The following KRIT1 variants were observed in gnomAD, a reference collection of about 807,000 sequenced individuals.
The protein encoded by KRIT1 is KRIT1 ankyrin repeat containing.
A neutral mutation model predicts 95.8 loss-of-function variants in KRIT1; 45 were observed. That is an observed-to-expected ratio of 0.47 (90% confidence interval 0.37 to 0.60). The LOEUF is 0.60. KRIT1 is among the 20% of genes least tolerant of loss of function. The pLI is 0.00. For synonymous variants in KRIT1, 282 were observed against 278.8 expected (o/e 1.01, Z -0.11); for missense variants, 788 against 877.5 (o/e 0.90, Z 1.29).
chr7:92,233,391 G>A (rs1292736847), intron 10 of KRIT1, among the ~76,000 whole-genome samples: 1 of 150,594 alleles, frequency 6.6e-6, no homozygotes, highest in Non-Finnish European at 1.5e-5. Context: ...ATTTAACAAG[G>A]CAATAAATAA....
In KRIT1 at chr7:92,237,708, C is replaced by T. The variant is rs376022532; in HGVS notation, c.314G>A (p.Gly105Asp). The T allele has an allele frequency of 8.1e-6, 13 of 1,608,478 alleles. No homozygotes were observed. In the Admixed American group the frequency reaches 1.2e-4, roughly 14 times the overall value. ...KKFPLDGEKMGREASLFIVPS... is the reference protein window; with the variant it reads ...KKFPLDGEKMDREASLFIVPS... ...AACAATAAATAATGATGCTTCTCTG[C>T]CCATCTTCTCTCCATCCAGAGGAAA... The change falls in exon 6 of 19, where the codon GGC becomes GAC. Residue 105 changes from glycine to aspartate, a missense_variant. Gly to Asp is a moderately conservative substitution (Grantham distance 94, BLOSUM62 -1). Transcript: ENST00000394505.
In KRIT1 at chr7:92,244,090, G is replaced by A. The variant is rs1272850838; in HGVS notation, c.-91C>T. The A allele has an allele frequency of 6.6e-6, 1 of 152,118 alleles. No individual in the cohort carries two copies. The highest frequency in any genetic ancestry group is 1.5e-5 in the Non-Finnish European group (1 of 68,014). The allele number at this position is 152,118 out of a possible 1,614,324, so 9.4% of individuals were successfully genotyped here. A position where few individuals can be genotyped will look rare whatever the true frequency, so the allele number is the denominator to read the frequency against. ...TATTTAGCAATTACTTTTCACCACA[G>A]ATTAACAATGACTTCAAGATAATAA... On this transcript the variant is annotated 5_prime_UTR_variant, in exon 3 of 19. Transcript: ENST00000394505.
intron 10 of KRIT1, among the ~76,000 whole-genome samples, chr7:92,232,752 G>A (rs1367947732): frequency 6.6e-6 from 1 of 151,916 alleles, no homozygotes; most frequent in Non-Finnish European, 1.5e-5. Flanking sequence ...GGAGTGCAGT[G>A]GCGTGATCTC....
chr7:92,219,389 A>C (rs1794671850), intron 14 of KRIT1, among the ~76,000 whole-genome samples: 1 of 152,206 alleles, frequency 6.6e-6, no homozygotes, highest in Non-Finnish European at 1.5e-5. Context: ...CCATCTGTTG[A>C]AGAGACTATT....
upstream of KRIT1, chr7:92,246,005 T>C (rs143215997): frequency 8.7e-3 from 2,098 of 242,372 alleles, 9 homozygotes; most frequent in Non-Finnish European, 0.012. Flanking sequence ...CCGTTCCTGC[T>C]CCTTTTCACT....
chr7:92,218,786 G>A (rs1027673599), intron 14 of KRIT1, among the ~76,000 whole-genome samples: 1 of 152,024 alleles, frequency 6.6e-6, no homozygotes, highest in Non-Finnish European at 1.5e-5. Flanking sequence ...CTCCCATTCT[G>A]TTGCTTTTCA....
chr7:92,223,113 AG>A (rs1795468286), intron 12 of KRIT1, 135 bp from the exon 13 acceptor site: 2 of 688,840 alleles, frequency 2.9e-6, no homozygotes, highest in South Asian at 3.5e-5. Context: ...GTTTTAAGTG[AG>A]AATCTGTTGG....
chr7:92,204,574 G>A (rs1790954917), intron 17 of KRIT1, among the ~76,000 whole-genome samples: 1 of 151,844 alleles, frequency 6.6e-6, no homozygotes, highest in African/African-American at 2.4e-5. Context: ...GGGGGTGATG[G>A]GAGGCAGTGA....
intron 14 of KRIT1, among the ~76,000 whole-genome samples, 184 bp from the exon 15 acceptor site, chr7:92,214,961 T>C (rs941632552): frequency 6.6e-6 from 1 of 152,174 alleles, no homozygotes; most frequent in Non-Finnish European, 1.5e-5. Flanking sequence ...TTGTAAGCTA[T>C]ATAATCGCTG....
rs1789804216 is a variant in KRIT1 at position 92,199,926 on chromosome 7, G to A, written c.*810C>T. Reference sequence around the variant, plus strand: ...CTTTGAGAAACACTACTGTATATCAGATTTACATTTTAACTAAGACTTTTA... The same window carrying A: ...CTTTGAGAAACACTACTGTATATCAAATTTACATTTTAACTAAGACTTTTA... On this transcript the variant is annotated 3_prime_UTR_variant, in exon 19 of 19. Transcript: ENST00000394505. The A allele has an allele frequency of 6.6e-6, 1 of 152,150 alleles. No homozygotes were observed. Among genetic ancestry groups the A allele is most frequent in the Non-Finnish European group, 1.5e-5 (1 of 68,032 alleles). The allele number at this position is 152,150 out of a possible 1,614,324, so 9.4% of individuals were successfully genotyped here. A position where few individuals can be genotyped will look rare whatever the true frequency, so the allele number is the denominator to read the frequency against.
At chr7:92,237,971 C>T (rs991839863) in intron 5 of KRIT1, among the ~76,000 whole-genome samples, 1 of 151,896 alleles carries the variant, frequency 6.6e-6, no homozygotes, top group African/African-American at 2.4e-5. Flanking sequence ...TGGTCTTGAC[C>T]CCTAGAAGAG....
intron 2 of KRIT1, among the ~76,000 whole-genome samples, chr7:92,244,398 C>T (rs1165205600): frequency 1.3e-5 from 2 of 152,178 alleles, no homozygotes; most frequent in African/African-American, 4.8e-5. Context: ...GCACAGAAGC[C>T]TGAACTTTTA....
At chr7:92,212,793 T>C (rs1168066175) in intron 17 of KRIT1, among the ~76,000 whole-genome samples, 7 of 152,222 alleles carry the variant, frequency 4.6e-5, no homozygotes, top group African/African-American at 1.4e-4. Context: ...CCTAGTTACC[T>C]GGTTCCCTTC....
At chr7:92,219,578 A>C (rs192527730) in intron 14 of KRIT1, among the ~76,000 whole-genome samples, 98 of 152,276 alleles carry the variant, frequency 6.4e-4, no homozygotes, top group African/African-American at 2.2e-3. Context: ...AGTAATGTCA[A>C]TCTCTCAACT....
intron 17 of KRIT1, among the ~76,000 whole-genome samples, chr7:92,203,018 A>G (rs1790556732): frequency 6.6e-6 from 1 of 152,208 alleles, no homozygotes; most frequent in South Asian, 2.1e-4. Flanking sequence ...ATATGGCTTC[A>G]AAACAGTTCA....
chr7:92,234,307 T>C lies in KRIT1; in HGVS notation c.989+142A>G, dbSNP rs1797944764. On this transcript the variant is annotated intron_variant, in intron 10 of 18. Coordinates refer to ENST00000394505, the MANE Select transcript of KRIT1 (RefSeq NM_194454.3). ...CTGAACATTGGCACATATACAATCA[T>C]CTAAGATCAAAACAGAAAACTCCTA... 7.5e-5 allele frequency: 52 copies of C among 697,240 alleles called. 2 individuals are homozygous for C. In the South Asian group the frequency reaches 9.2e-4, roughly 12 times the overall value. The allele number at this position is 697,240 out of a possible 1,614,324, so 43.2% of individuals were successfully genotyped here. A position where few individuals can be genotyped will look rare whatever the true frequency, so the allele number is the denominator to read the frequency against.
Sources: gnomAD v4.1 joint callset for allele counts (sites outside exome capture counted in the v4.1 genomes callset) on GRCh38, gnomAD v4.1.1 for gene constraint, MANE v1.5 for transcripts, NCBI Gene and HGNC (gene_info 2026-07-23, HGNC 2026-07-21) for gene names.